Variants in SLC29A3 observed in about 807,000 individuals in gnomAD.
SLC29A3 encodes equilibrative nucleoside transporter 3.
SLC29A3 carries 18 observed loss-of-function variants against 25.4 expected under a neutral mutation model. The observed-to-expected ratio is 0.71, with a 90% CI of 0.49 to 1.05. The LOEUF (loss-of-function observed/expected upper bound fraction) is 1.05, where lower values mean the gene tolerates loss of function less well. Among genes scored for constraint, SLC29A3 ranks in the 50% least tolerant of loss-of-function variants. The pLI is 0.00. For synonymous variants in SLC29A3, 258 were observed against 267.1 expected (o/e 0.97, Z 0.33); for missense variants, 586 against 609.0 (o/e 0.96, Z 0.40).
chr10:71,363,446 C>A, downstream of SLC29A3: 1 of 407,062 alleles, frequency 2.5e-6, no homozygotes, highest in Non-Finnish European at 4.9e-6. Context: ...TCAGATTAGG[C>A]AATTTGAGGA....
At chr10:71,326,711 A>G (rs1226362411) in intron 2 of SLC29A3, among the ~76,000 whole-genome samples, 1 of 152,186 alleles carries the variant, frequency 6.6e-6, no homozygotes, top group Admixed American at 6.5e-5. Context: ...CTTTCACCGC[A>G]AGGCGATCCC....
intron 3 of SLC29A3, among the ~76,000 whole-genome samples, chr10:71,374,407 C>G (rs34797744): frequency 0.2 from 30,354 of 152,130 alleles, 3,161 homozygotes; most frequent in South Asian, 0.24. Context: ...ACCTTTTTAC[C>G]TCTTAAGAGG....
Position 71,356,182 on chromosome 10 carries a change from A to G in SLC29A3, c.712A>G (p.Thr238Ala), listed in dbSNP as rs764247415. The G allele has an allele frequency of 1.2e-6, 2 of 1,614,110 alleles. No individual in the cohort carries two copies. Among genetic ancestry groups the G allele is most frequent in the Non-Finnish European group, 1.7e-6 (2 of 1,179,994 alleles). Reference sequence around the variant, plus strand: ...CGCCCTGGCCTTCTTCCTGACGGCCACTGTCTTCCTCGTGCTCTGCATGGG... The same window carrying G: ...CGCCCTGGCCTTCTTCCTGACGGCCGCTGTCTTCCTCGTGCTCTGCATGGG... ...NSALAFFLTATVFLVLCMGLY... is the reference protein window; with the variant it reads ...NSALAFFLTAAVFLVLCMGLY... The change falls in exon 5 of 6, where the codon ACT becomes GCT. Residue 238 changes from threonine (T) to alanine (A), a missense_variant. Thr to Ala is a moderately conservative substitution (Grantham distance 58). Transcript: ENST00000373189.
intron 4 of SLC29A3, among the ~76,000 whole-genome samples, chr10:71,354,110 C>T (rs1846834346): frequency 6.6e-6 from 1 of 152,204 alleles, no homozygotes; most frequent in South Asian, 2.1e-4. Context: ...ATGTGGGAAG[C>T]ACAGAAATAG....
rs1480184130 is a variant in SLC29A3 at position 71,319,326 on chromosome 10, C to T, written c.1+16C>T. 2 of 645,980 alleles carry T rather than the reference C, an allele frequency of 3.1e-6. No homozygotes were observed. Among genetic ancestry groups the T allele is most frequent in the Non-Finnish European group, 5.6e-6 (2 of 359,590 alleles). 40.0% of individuals were successfully genotyped at this position (645,980 alleles called of 1,614,324 possible). A position where few individuals can be genotyped will look rare whatever the true frequency, so the allele number is the denominator to read the frequency against. On this transcript the variant is annotated intron_variant, in intron 1 of 5. Coordinates refer to ENST00000373189, the MANE Select transcript of SLC29A3 (RefSeq NM_018344.6). ...AGCGGCGACAGTAAGTGCGGGCCGG[C>T]TCGGGCTCTTCCGGCTACGGTCCCG...
At chr10:71,346,136 T>A (rs1447434234) in intron 3 of SLC29A3, among the ~76,000 whole-genome samples, 1 of 152,140 alleles carries the variant, frequency 6.6e-6, no homozygotes, top group East Asian at 1.9e-4. Flanking sequence ...GACAGCTGAG[T>A]CTGCCTGTTG....
At chr10:71,343,414 G>T (rs1192960872) in intron 2 of SLC29A3, among the ~76,000 whole-genome samples, 1 of 152,158 alleles carries the variant, frequency 6.6e-6, no homozygotes, top group Non-Finnish European at 1.5e-5. Context: ...TCATAATCAG[G>T]CAATTCATCT....
At chr10:71,355,958 C>T in intron 4 of SLC29A3, 123 bp from the exon 5 acceptor site, 1 of 1,096,930 alleles carries the variant, frequency 9.1e-7, no homozygotes, top group Non-Finnish European at 1.4e-6. Flanking sequence ...ACTGAGAGAG[C>T]TTTGGCATTT....
chr10:71,368,940 C>A (rs1300540149), intron 3 of SLC29A3, among the ~76,000 whole-genome samples: 1 of 152,234 alleles, frequency 6.6e-6, no homozygotes, highest in Non-Finnish European at 1.5e-5. Context: ...CCTAGTGCTA[C>A]AGATGAATGT....
chr10:71,322,663 G>T, intron 1 of SLC29A3, 93 bp from the exon 2 acceptor site: 2 of 1,446,602 alleles, frequency 1.4e-6, no homozygotes, highest in Non-Finnish European at 1.9e-6. Context: ...GAGGGGGCAT[G>T]GTCATTTTGT....
intron 4 of SLC29A3, among the ~76,000 whole-genome samples, chr10:71,355,458 G>T (rs1266327685): frequency 6.6e-6 from 1 of 152,234 alleles, no homozygotes; most frequent in Non-Finnish European, 1.5e-5. Flanking sequence ...TGTGAGTGTT[G>T]TATGTGTTAC....
intron 4 of SLC29A3, among the ~76,000 whole-genome samples, chr10:71,353,618 G>A (rs1011787579): frequency 2.0e-5 from 3 of 152,108 alleles, no homozygotes; most frequent in Non-Finnish European, 2.9e-5. Context: ...AGTCTAAACC[G>A]TGGTCACCAC....
intron 5 of SLC29A3, among the ~76,000 whole-genome samples, chr10:71,360,520 A>G (rs1847028730): frequency 6.6e-6 from 1 of 152,256 alleles, no homozygotes; most frequent in South Asian, 2.1e-4. Flanking sequence ...AAGGAACTAA[A>G]CAGGTGCCTC....
intron 3 of SLC29A3, among the ~76,000 whole-genome samples, chr10:71,372,640 G>A (rs565149734): frequency 1.3e-5 from 2 of 152,346 alleles, no homozygotes; most frequent in South Asian, 4.1e-4. Flanking sequence ...GGCCCGGGGA[G>A]AGAAAGTGAG....
At chr10:71,376,103 T>C (rs1024380208) in intron 4 of SLC29A3, among the ~76,000 whole-genome samples, 3 of 152,222 alleles carry the variant, frequency 2.0e-5, no homozygotes, top group African/African-American at 7.2e-5. Flanking sequence ...TTTTAAGGAC[T>C]TGAAACTCCA....
intron 2 of SLC29A3, among the ~76,000 whole-genome samples, chr10:71,337,650 C>A (rs1846287951): frequency 6.6e-6 from 1 of 152,216 alleles, no homozygotes; most frequent in Non-Finnish European, 1.5e-5. Context: ...GACTAATTTG[C>A]TGCACTTATT....
chr10:71,363,798 TTTC>T (rs1282239334), downstream of SLC29A3, among the ~76,000 whole-genome samples: 7 of 52,368 alleles, frequency 1.3e-4, no homozygotes, highest in East Asian at 4.0e-4. Flanking sequence ...TTTTTCTTTT[TTTC>T]CTTTTTCTTT....
At chr10:71,320,842 A>C (rs1160717200) in intron 1 of SLC29A3, among the ~76,000 whole-genome samples, 6 of 152,148 alleles carry the variant, frequency 3.9e-5, no homozygotes, top group Non-Finnish European at 5.9e-5. Flanking sequence ...CACTGGCTTC[A>C]AGGCTTGCAG....
At chr10:71,380,635 C>T (rs1847295460) in exon 5 of SLC29A3, 1 of 152,170 alleles carries the variant, frequency 6.6e-6, no homozygotes. Flanking sequence ...TAGTGATGCT[C>T]AAAAGGTAGG....
Sources: allele counts gnomAD v4.1 joint callset (sites outside exome capture counted in the v4.1 genomes callset), GRCh38; gene constraint gnomAD v4.1.1; transcripts MANE v1.5; gene names NCBI Gene and HGNC (gene_info 2026-07-23, HGNC 2026-07-21).